PARVA: variants seen among roughly 807,000 people sequenced by gnomAD.
PARVA encodes alpha-parvin.
In PARVA, 25 loss-of-function variants were observed where a neutral mutation model predicts 52.6. That is an observed-to-expected ratio of 0.48 (90% CI 0.35 to 0.66). PARVA has a LOEUF of 0.66. PARVA is among the 30% of genes least tolerant of loss of function. The pLI is 0.01. For missense variants in PARVA, 373 were observed against 450.9 expected, an observed-to-expected ratio of 0.83 and a Z score of 1.56; for synonymous variants, 185 against 179.1, an observed-to-expected ratio of 1.03 and a Z score of -0.26.
chr11:12,471,753 A>G (rs1940937447), intron 1 of PARVA, among the ~76,000 whole-genome samples: 1 of 152,212 alleles, frequency 6.6e-6, no homozygotes, highest in Admixed American at 6.5e-5. Context: ...TGGTGCAGCT[A>G]CGGAGCGGAA....
At chr11:12,377,918 C>A in intron 1 of PARVA, 135 bp downstream of exon 1, 1 of 327,194 alleles carries the variant, frequency 3.1e-6, no homozygotes, top group Non-Finnish European at 4.9e-6. Flanking sequence ...GATGCGTGCG[C>A]GCGCTTCCCG....
intron 7 of PARVA, among the ~76,000 whole-genome samples, chr11:12,509,075 G>GT (rs766152622): frequency 0.027 from 3,327 of 122,666 alleles, 110 homozygotes; most frequent in African/African-American, 0.08. Context: ...GTTTGGGGTG[G>GT]TTTTTTTTTT....
intron 1 of PARVA, among the ~76,000 whole-genome samples, chr11:12,393,220 G>A (rs924545737): frequency 6.6e-5 from 10 of 152,080 alleles, no homozygotes; most frequent in African/African-American, 1.2e-4. Flanking sequence ...TACAAAGTGC[G>A]ATTATGGGCC....
At chr11:12,499,004 C>T (rs1177131586) in intron 5 of PARVA, among the ~76,000 whole-genome samples, 1 of 152,230 alleles carries the variant, frequency 6.6e-6, no homozygotes, top group Admixed American at 6.5e-5. Context: ...AGATATCCCA[C>T]TGTTAACTTA....
chr11:12,519,459 A>C (rs1385132567), intron 12 of PARVA, among the ~76,000 whole-genome samples: 1 of 152,182 alleles, frequency 6.6e-6, no homozygotes, highest in Non-Finnish European at 1.5e-5. Flanking sequence ...AGGGAAGAGA[A>C]AAGTTGGAGC....
chr11:12,381,923 A>G (rs1939494920), intron 1 of PARVA, among the ~76,000 whole-genome samples: 2 of 152,144 alleles, frequency 1.3e-5, no homozygotes, highest in African/African-American at 4.8e-5. Context: ...CTCTAGTGGC[A>G]CTTTGTTAGA....
At chr11:12,436,641 A>G (rs1940392218) in intron 1 of PARVA, among the ~76,000 whole-genome samples, 2 of 152,150 alleles carry the variant, frequency 1.3e-5, no homozygotes, top group South Asian at 2.1e-4. Flanking sequence ...ACCAAGAAAC[A>G]GTGTTTTGGG....
chr11:12,498,295 C>A lies in PARVA; in HGVS notation c.541+1697C>A, dbSNP rs185541240. Among the ~76,000 whole-genome samples the A allele has an allele frequency of 1.6e-3, 244 of 152,218 alleles. 1 individual carries two copies. Among genetic ancestry groups the A allele is most frequent in the African/African-American group, 5.0e-3 (206 of 41,554 alleles). On this transcript the variant is annotated intron_variant, in intron 5 of 12. Transcript: ENST00000334956. The stretch of plus-strand genomic sequence containing the variant: ...AGGCAGTCCACCCGCCTCGGCCTCC[C>A]AAAGTGCTAGAATTACAGGCACAAG...
intron 1 of PARVA, chr11:12,452,774 C>T (rs892553112): frequency 3.0e-5 from 8 of 262,578 alleles, no homozygotes; most frequent in Non-Finnish European, 4.8e-5. Context: ...TGCAGCAGGT[C>T]TGTGAGTCTC....
intron 1 of PARVA, chr11:12,453,010 T>C (rs936539733): frequency 1.3e-5 from 6 of 456,388 alleles, no homozygotes; most frequent in Non-Finnish European, 2.6e-5. Flanking sequence ...GACCATGGGC[T>C]GCGGGGCACT....
At chr11:12,509,177 A>T (rs1941473764) in intron 7 of PARVA, among the ~76,000 whole-genome samples, 1 of 151,760 alleles carries the variant, frequency 6.6e-6, no homozygotes, top group Non-Finnish European at 1.5e-5. Flanking sequence ...GCAGAAAAAA[A>T]ATTCATAGTG....
chr11:12,442,636 T>C (rs1196252535), intron 1 of PARVA, among the ~76,000 whole-genome samples: 2 of 151,958 alleles, frequency 1.3e-5, no homozygotes, highest in African/African-American at 4.8e-5. Flanking sequence ...ACTAAGCTCT[T>C]AGGGGTGCAG....
At chr11:12,504,794 A>T (rs28595138) in intron 6 of PARVA, among the ~76,000 whole-genome samples, 10 of 40,614 alleles carry the variant, frequency 2.5e-4, no homozygotes, top group East Asian at 9.0e-4. Flanking sequence ...TGTGTGTGTG[A>T]GTTTGTGTAC....
In PARVA at chr11:12,377,786, G is replaced by A; in HGVS notation, c.136+3G>A. On this transcript the variant is annotated splice_donor_region_variant and intron_variant, in intron 1 of 12. Coordinates refer to ENST00000334956, the MANE Select transcript of PARVA (RefSeq NM_018222.5). ...CCGGAGGAAGAAAGCCAAGGAGGGT[G>A]AGTGCGGCCAGGCCGGCCGGGCGGG... 3 of 1,496,376 alleles carry A rather than the reference G, an allele frequency of 2.0e-6. No homozygotes were observed. The South Asian group carries it at 3.9e-5, about 19-fold the overall frequency. The allele number at this position is 1,496,376 out of a possible 1,614,324, so 92.7% of individuals were successfully genotyped here. A position where few individuals can be genotyped will look rare whatever the true frequency, so the allele number is the denominator to read the frequency against.
At chr11:12,514,170 G>A in intron 10 of PARVA, 105 bp downstream of exon 10, 1 of 824,006 alleles carries the variant, frequency 1.2e-6, no homozygotes, top group Non-Finnish European at 2.1e-6. Context: ...AGCTGAGGGG[G>A]ATGAGGGCAT....
chr11:12,379,886 C>T (rs1430946633), intron 1 of PARVA, among the ~76,000 whole-genome samples: 1 of 152,202 alleles, frequency 6.6e-6, no homozygotes, highest in East Asian at 1.9e-4. Context: ...TTCCTTGCAG[C>T]ATTCCTGACA....
chr11:12,487,471 G>A (rs1363337377), intron 4 of PARVA, among the ~76,000 whole-genome samples: 1 of 152,122 alleles, frequency 6.6e-6, no homozygotes, highest in Non-Finnish European at 1.5e-5. Context: ...GCTGTTAAAA[G>A]CAATTAAAAT....
intron 1 of PARVA, among the ~76,000 whole-genome samples, chr11:12,465,929 A>G (rs952413262): frequency 2.6e-5 from 4 of 152,252 alleles, no homozygotes; most frequent in African/African-American, 9.6e-5. Context: ...AGAAAACACC[A>G]AAGTGGCTCT....
Position 12,508,574 on chromosome 11 carries a change from C to T in PARVA, c.658-10C>T, listed in dbSNP as rs1421268896. 1 of 1,605,286 alleles carries T rather than the reference C, an allele frequency of 6.2e-7. No homozygotes were observed. The highest frequency in any genetic ancestry group is 2.3e-5 in the East Asian group (1 of 44,404). Reference sequence around the variant, plus strand: ...TCTCCTCCCAACCCCTTTCCCCACCCCCATTTCAGAAACGAGAAGGAATCC... The same window carrying T: ...TCTCCTCCCAACCCCTTTCCCCACCTCCATTTCAGAAACGAGAAGGAATCC... On this transcript the variant is annotated splice_polypyrimidine_tract_variant and intron_variant, in intron 6 of 12. Coordinates refer to ENST00000334956, the MANE Select transcript of PARVA (RefSeq NM_018222.5).
Sources: gnomAD v4.1 joint callset for allele counts (sites outside exome capture counted in the v4.1 genomes callset) on GRCh38, gnomAD v4.1.1 for gene constraint, MANE v1.5 for transcripts, NCBI Gene and HGNC (gene_info 2026-07-23, HGNC 2026-07-21) for gene names.